The following PCDHGA1 variants were observed in gnomAD, a reference collection of about 807,000 sequenced individuals.
PCDHGA1 encodes the protein protocadherin gamma subfamily A, 1.
A neutral mutation model predicts 58.0 loss-of-function variants in PCDHGA1; 32 were observed. The observed-to-expected ratio is 0.55, with a 90% CI of 0.42 to 0.74. The LOEUF is 0.74. Among genes scored for constraint, PCDHGA1 ranks in the 30% least tolerant of loss-of-function variants. PCDHGA1 has a pLI of 0.00. For missense variants in PCDHGA1, 1,205 were observed against 1,182.3 expected, an observed-to-expected ratio of 1.02 and a Z score of -0.28; for synonymous variants, 498 against 501.1, an observed-to-expected ratio of 0.99 and a Z score of 0.08.
intron 1 of PCDHGA1, chr5:141,402,915 CAG>C: frequency 6.4e-7 from 1 of 1,564,688 alleles, no homozygotes; most frequent in Non-Finnish European, 8.7e-7. Flanking sequence ...GCAGCGCGCA[CAG>C]AGATCCTTTT....
At chr5:141,494,075 C>T (rs1482844644) in intron 1 of PCDHGA1, among the ~76,000 whole-genome samples, 7 of 152,322 alleles carry the variant, frequency 4.6e-5, no homozygotes, top group East Asian at 1.9e-4. Context: ...GATCCCTCCC[C>T]GCTGCATCCC....
At chr5:141,423,562 AC>A in intron 1 of PCDHGA1, 1 of 1,613,612 alleles carries the variant, frequency 6.2e-7, no homozygotes, top group Non-Finnish European at 8.5e-7. Flanking sequence ...CTATGGGGAC[AC>A]GCTCATCAGC....
Position 141,496,980 on chromosome 5 carries a change from G to A in PCDHGA1, c.2480+2115G>A, listed in dbSNP as rs186715298. On this transcript the variant is annotated intron_variant, in intron 2 of 3. Coordinates refer to ENST00000517417, the MANE Select transcript of PCDHGA1 (RefSeq NM_018912.3). ...GTGGGTAGATCACTTGAGGTCAGGG[G>A]TTTGAGACCAGCCTGGCAGCCAACA... Among the ~76,000 whole-genome samples the A allele has an allele frequency of 1.6e-3, 236 of 152,074 alleles. 2 individuals are homozygous for A. Among genetic ancestry groups the A allele is most frequent in the South Asian group, 7.5e-3 (36 of 4,814 alleles).
At chr5:141,370,214 C>A (rs988145754) in intron 1 of PCDHGA1, 8 of 565,608 alleles carry the variant, frequency 1.4e-5, no homozygotes, top group Non-Finnish European at 2.1e-5. Flanking sequence ...ATTGGCTCCT[C>A]CCGCTGCAGC....
rs61612330 is a variant in PCDHGA1, at chr5:141,454,796, A to ATTTTTTTTTTTTTTTTTTTTTTTTTT, written c.2422-40007_2422-39982dup. Among the ~76,000 whole-genome samples, 3 of 77,456 alleles carry ATTTTTTTTTTTTTTTTTTTTTTTTTT rather than the reference A, an allele frequency of 3.9e-5. 1 individual carries two copies. The highest frequency in any genetic ancestry group is 1.2e-4 in the African/African-American group (2 of 16,882). 50.8% of individuals were successfully genotyped at this position (77,456 alleles called of 152,430 possible). A position where few individuals can be genotyped will look rare whatever the true frequency, so the allele number is the denominator to read the frequency against. On this transcript the variant is annotated intron_variant, in intron 1 of 3. Transcript: ENST00000517417. Reference sequence around the variant, plus strand: ...AAGGAAATAATCCTCCATGGTTCTAATTTTTTTTTTTTTTTTTTTTTTTTT... The same window carrying ATTTTTTTTTTTTTTTTTTTTTTTTTT: ...AAGGAAATAATCCTCCATGGTTCTAATTTTTTTTTTTTTTTTTTTTTTTTTTTTTTTTTTTTTTTTTTTTTTTTTTT...
At chr5:141,348,939 G>A (rs949739940) in intron 1 of PCDHGA1, among the ~76,000 whole-genome samples, 1 of 152,198 alleles carries the variant, frequency 6.6e-6, no homozygotes, top group Non-Finnish European at 1.5e-5. Flanking sequence ...CTGGTTCTAA[G>A]CCTGGAACTA....
chr5:141,406,288 G>A (rs72790038), intron 1 of PCDHGA1, among the ~76,000 whole-genome samples: 9,719 of 151,928 alleles, frequency 0.064, 366 homozygotes, highest in African/African-American at 0.1. Context: ...CCAAAGCACT[G>A]GGTGAGGTGT....
chr5:141,423,906 G>A (rs2096789586), intron 1 of PCDHGA1: 17 of 1,272,396 alleles, frequency 1.3e-5, no homozygotes, highest in Non-Finnish European at 1.7e-5. Context: ...ATTTCAAAGG[G>A]GCCATTCAAC....
chr5:141,478,481 C>A, intron 1 of PCDHGA1: 1 of 1,613,576 alleles, frequency 6.2e-7, no homozygotes, highest in South Asian at 1.1e-5. Flanking sequence ...CCAGAACACG[C>A]TGCGGAGCTG....
chr5:141,441,823 C>A (rs538052540), intron 1 of PCDHGA1: 6 of 357,336 alleles, frequency 1.7e-5, no homozygotes, highest in South Asian at 7.1e-5. Flanking sequence ...AGCTCTGGAG[C>A]GCAATGGCTT....
intron 1 of PCDHGA1, chr5:141,379,090 T>C (rs1029371266): frequency 6.6e-6 from 1 of 152,210 alleles, no homozygotes; most frequent in Non-Finnish European, 1.5e-5. Context: ...GTTATGAATG[T>C]GTAAGAAAAA....
In PCDHGA1 at chr5:141,489,958, C is replaced by T; in HGVS notation, c.2422-4849C>T. 1 of 1,614,202 alleles carries T rather than the reference C, an allele frequency of 6.2e-7. No individual in the cohort carries two copies. The highest frequency in any genetic ancestry group is 8.5e-7 in the Non-Finnish European group (1 of 1,180,016). On this transcript the variant is annotated intron_variant, in intron 1 of 3. Transcript: ENST00000517417. This position sits in a 1 kb window ranked among gnomAD's most constrained non-coding sequence, Gnocchi z 4.5. ...CGTGCTGGACATCAATGATAATGCT[C>T]CAACCTTCCAATCCTCAGTTCTACG... is the stretch of plus-strand genomic sequence containing the variant.
chr5:141,360,389 T>G, intron 1 of PCDHGA1: 1 of 1,613,908 alleles, frequency 6.2e-7, no homozygotes, highest in Non-Finnish European at 8.5e-7. Context: ...GGAGACTTAC[T>G]TGTGAGTGAC....
At chr5:141,400,394 G>A in intron 1 of PCDHGA1, 2 of 1,614,072 alleles carry the variant, frequency 1.2e-6, no homozygotes, top group Non-Finnish European at 1.7e-6. Context: ...GCACATACAG[G>A]AAAGACGGAG....
In PCDHGA1 at chr5:141,477,891, G is replaced by T. The variant is rs750359063; in HGVS notation, c.2422-16916G>T. 10 of 1,614,066 alleles carry T rather than the reference G, an allele frequency of 6.2e-6. No individual in the cohort carries two copies. The African/African-American group carries it at 1.2e-4, about 19-fold the overall frequency. ...ACCTCAGCTGGCCACCTAGTGTCAC[G>T]GGTGGTAGGCTGGGACGCGGATGCA... is the stretch of plus-strand genomic sequence containing the variant. On this transcript the variant is annotated intron_variant, in intron 1 of 3. Coordinates refer to ENST00000517417, the MANE Select transcript of PCDHGA1 (RefSeq NM_018912.3). This position sits in a 1 kb window ranked among gnomAD's most constrained non-coding sequence, Gnocchi z 4.9.
intron 1 of PCDHGA1, chr5:141,417,977 G>A (rs752463782): frequency 6.2e-7 from 1 of 1,613,872 alleles, no homozygotes; most frequent in Admixed American, 1.7e-5. Flanking sequence ...GATTCCGGAG[G>A]AGCTGGCCAA....
At position 141,331,930 on chromosome 5, in the gene PCDHGA1, T is replaced by C. The variant is rs749411661; in HGVS notation, c.1246T>C (p.Ser416Pro). ...AAGAACACTGGACAGAGAACTTATC[T>C]CTGGGTACAACATCACAATAACAGC... ...TERTLDRELISGYNITITAID... is the reference protein window; with the variant it reads ...TERTLDRELIPGYNITITAID... Residue 416 changes from serine (S) to proline (P), a missense_variant, in exon 1 of 4, where the codon TCT (serine) becomes CCT (proline). Physicochemically the swap from Ser to Pro is moderately conservative, Grantham distance 74 (BLOSUM62 -1). Coordinates refer to ENST00000517417, the MANE Select transcript of PCDHGA1 (RefSeq NM_018912.3). 3.7e-6 allele frequency: 6 copies of C among 1,614,070 alleles called. No individual in the cohort carries two copies. The Admixed American group carries it at 8.3e-5, about 22-fold the overall frequency.
chr5:141,492,740 C>T (rs1364102818), intron 1 of PCDHGA1, among the ~76,000 whole-genome samples: 1 of 152,238 alleles, frequency 6.6e-6, no homozygotes, highest in African/African-American at 2.4e-5. Context: ...GCCCAGTGGC[C>T]GAGGCGCGGC....
At chr5:141,351,182 A>T (rs1240002375) in intron 1 of PCDHGA1, 2 of 1,613,948 alleles carry the variant, frequency 1.2e-6, no homozygotes, top group Non-Finnish European at 1.7e-6. Context: ...TTTTGAAGAG[A>T]CAAGTAGATA....
Sources: allele counts gnomAD v4.1 joint callset (sites outside exome capture counted in the v4.1 genomes callset), GRCh38; gene constraint gnomAD v4.1.1; non-coding constraint Gnocchi (gnomAD v3.1); transcripts MANE v1.5; gene names NCBI Gene and HGNC (gene_info 2026-07-23, HGNC 2026-07-21).